Variants in RAMP1 observed in about 807,000 individuals in gnomAD.
RAMP1 encodes the protein receptor activity-modifying protein 1.
A neutral mutation model predicts 8.2 loss-of-function variants in RAMP1; 7 were observed. That is an observed-to-expected ratio of 0.85 (90% CI 0.49 to 1.60). The LOEUF is 1.60. RAMP1 is among the 40% of genes most tolerant of loss of function. The probability of loss-of-function intolerance (pLI) is 0.00; values close to 1 mark genes in which losing one functional copy is unlikely to be tolerated. For synonymous variants in RAMP1, 92 were observed against 84.7 expected, an observed-to-expected ratio of 1.09 and a Z score of -0.47; for missense variants, 192 against 202.4, an observed-to-expected ratio of 0.95 and a Z score of 0.31.
chr2:237,895,159 G>A (rs1040504945), intron 2 of RAMP1, among the ~76,000 whole-genome samples: 5 of 152,148 alleles, frequency 3.3e-5, no homozygotes, highest in African/African-American at 4.8e-5. Context: ...CTATGGTGGC[G>A]ATTGTAGAGC....
Position 237,911,849 on chromosome 2 carries a change from G to A in RAMP1, c.*66G>A. ...GTGAGGCCAGGCAGGCCTGGGTAGG[G>A]GCAGCTTCTGGAGCCTTGGGACAGA... is the stretch of plus-strand genomic sequence containing the variant. On this transcript the variant is annotated 3_prime_UTR_variant, in exon 3 of 3. Transcript: ENST00000254661. 1 of 1,517,578 alleles carries A rather than the reference G, an allele frequency of 6.6e-7. No homozygotes were observed. Among genetic ancestry groups the A allele is most frequent in the Non-Finnish European group, 8.9e-7 (1 of 1,128,944 alleles). The allele number at this position is 1,517,578 out of a possible 1,614,324, so 94.0% of individuals were successfully genotyped here.
chr2:237,906,965 C>T (rs530582199), intron 2 of RAMP1, among the ~76,000 whole-genome samples: 76 of 152,208 alleles, frequency 5.0e-4, no homozygotes, highest in African/African-American at 1.4e-3. Flanking sequence ...TCAAGTGATC[C>T]GCCTGCCTTG....
Position 237,911,663 on chromosome 2 carries a change from G to T in RAMP1, c.327G>T (p.Arg109Ser). ...RYFRSCPISG[R>S]AVRDPPGSIL... ...TCAGGAGCTGCCCCATCTCAGGCAGGGCCGTGCGGGACCCGCCCGGCAGCA... is the reference window on the plus strand; with the variant it reads ...TCAGGAGCTGCCCCATCTCAGGCAGTGCCGTGCGGGACCCGCCCGGCAGCA... Residue 109 changes from arginine (R) to serine (S), a missense_variant, in exon 3 of 3, where the codon AGG becomes AGT. Coordinates refer to ENST00000254661, the MANE Select transcript of RAMP1 (RefSeq NM_005855.4). 1.2e-6 allele frequency: 2 copies of T among 1,613,478 alleles called. No homozygotes were observed. Among genetic ancestry groups the T allele is most frequent in the Non-Finnish European group, 1.7e-6 (2 of 1,179,488 alleles).
intron 2 of RAMP1, among the ~76,000 whole-genome samples, chr2:237,904,345 G>C (rs912241102): frequency 3.9e-5 from 6 of 152,182 alleles, no homozygotes; most frequent in Non-Finnish European, 7.3e-5. Flanking sequence ...CATGAACCCA[G>C]GAAGTGGGGC....
At position 237,878,104 on chromosome 2, in the gene RAMP1, A is replaced by G. The variant is rs1420170436; in HGVS notation, c.191+742A>G. On this transcript the variant is annotated intron_variant, in intron 2 of 2. Transcript: ENST00000254661. This position sits in a 1 kb window ranked among gnomAD's most constrained non-coding sequence, Gnocchi z 5.7. ...AGGCGCTGGGGTGTCCTGGGGCTGC[A>G]GTGGGTGAGTAGCGGGGTCAGCAGT... 1.0e-6 allele frequency: 1 copy of G among 985,284 alleles called. No individual in the cohort carries two copies. Among genetic ancestry groups the G allele is most frequent in the Non-Finnish European group, 1.2e-6 (1 of 829,902 alleles). The allele number at this position is 985,284 out of a possible 1,614,324, so 61.0% of individuals were successfully genotyped here. A position where few individuals can be genotyped will look rare whatever the true frequency, so the allele number is the denominator to read the frequency against.
intron 2 of RAMP1, among the ~76,000 whole-genome samples, chr2:237,909,256 C>A (rs775227459): frequency 2.0e-5 from 3 of 152,182 alleles, no homozygotes; most frequent in Non-Finnish European, 4.4e-5. Flanking sequence ...GGCCCTCTCA[C>A]CTGGCAGCCC....
chr2:237,902,684 C>T (rs1380927571), intron 2 of RAMP1, among the ~76,000 whole-genome samples: 1 of 152,186 alleles, frequency 6.6e-6, no homozygotes, highest in Non-Finnish European at 1.5e-5. Context: ...GCCGCTGTCA[C>T]CAGAGGGTCC....
chr2:237,874,771 G>A (rs553388426), intron 1 of RAMP1: 70 of 899,796 alleles, frequency 7.8e-5, no homozygotes, highest in South Asian at 2.6e-4. Flanking sequence ...GGGTGCCAGC[G>A]TGAGTCAGAA....
In RAMP1 at chr2:237,908,057, G is replaced by A. The variant is rs142268636; in HGVS notation, c.192-3471G>A. ...ATCTTCAATGTACCATAGGCCTCAA[G>A]TACCTCTAGCAATGAGCTGTCATTG... On this transcript the variant is annotated intron_variant, in intron 2 of 2. Transcript: ENST00000254661. Among the ~76,000 whole-genome samples, 560 of 152,328 alleles carry A rather than the reference G, an allele frequency of 3.7e-3. 5 individuals carry two copies. The highest frequency in any genetic ancestry group is 0.013 in the African/African-American group (536 of 41,562).
intron 2 of RAMP1, among the ~76,000 whole-genome samples, chr2:237,885,124 A>G (rs1228919389): frequency 4.6e-5 from 7 of 152,256 alleles, no homozygotes; most frequent in Non-Finnish European, 1.0e-4. Context: ...GTCTCCTGCT[A>G]AAAGAGTCAA....
In RAMP1 at chr2:237,888,682, T is replaced by C. The variant is rs1270098639; in HGVS notation, c.191+11320T>C. Among the ~76,000 whole-genome samples the C allele has an allele frequency of 5.9e-5, 9 of 152,316 alleles. No homozygotes were observed. The East Asian group carries it at 1.3e-3, about 23-fold the overall frequency. ...TTTAAGACTTTATTTTTTAGAGCAG[T>C]TTTAGGTTCACAGCAAAATTGAGAG... On this transcript the variant is annotated intron_variant, in intron 2 of 2. Coordinates refer to ENST00000254661, the MANE Select transcript of RAMP1 (RefSeq NM_005855.4).
intron 1 of RAMP1, among the ~76,000 whole-genome samples, chr2:237,860,161 G>T (rs922550076): frequency 6.6e-6 from 1 of 152,224 alleles, no homozygotes; most frequent in Non-Finnish European, 1.5e-5. Context: ...ACCTGCAGAC[G>T]GGCACCTTGC....
In RAMP1 at chr2:237,865,787, G is replaced by T. The variant is rs910128804; in HGVS notation, c.52+6060G>T. Among the ~76,000 whole-genome samples, 4 of 152,098 alleles carry T rather than the reference G, an allele frequency of 2.6e-5. No homozygotes were observed. The highest frequency in any genetic ancestry group is 9.7e-5 in the African/African-American group (4 of 41,402). ...TCCTTGTGAGAGGCCAGAGAGGACG[G>T]CCAGGGAGGACAGAGAAGGAAACGG... On this transcript the variant is annotated intron_variant, in intron 1 of 2. Transcript: ENST00000254661. This position sits in a 1 kb window ranked among gnomAD's most constrained non-coding sequence, Gnocchi z 4.2.
intron 1 of RAMP1, among the ~76,000 whole-genome samples, chr2:237,860,565 C>T (rs1198458041): frequency 6.6e-6 from 1 of 152,220 alleles, no homozygotes; most frequent in Non-Finnish European, 1.5e-5. Flanking sequence ...CCCTTCTAAA[C>T]CGCTTTGGCT....
intron 2 of RAMP1, among the ~76,000 whole-genome samples, chr2:237,885,825 C>A (rs2062424573): frequency 6.6e-6 from 1 of 152,210 alleles, no homozygotes; most frequent in Non-Finnish European, 1.5e-5. Context: ...GTGGGAGAAT[C>A]TTTCCAGGCA....
intron 2 of RAMP1, among the ~76,000 whole-genome samples, chr2:237,892,676 A>G (rs1489553855): frequency 2.6e-5 from 4 of 151,800 alleles, no homozygotes; most frequent in East Asian, 1.9e-4. Context: ...ACATTGTCCA[A>G]CCACACACTT....
chr2:237,883,841 G>GAA (rs1044563945), intron 2 of RAMP1, among the ~76,000 whole-genome samples: 2 of 86,846 alleles, frequency 2.3e-5, no homozygotes, highest in Admixed American at 1.2e-4. Flanking sequence ...GAAAAGAAAA[G>GAA]AAAAAAAAAA....
At chr2:237,899,268 A>G in intron 2 of RAMP1, among the ~76,000 whole-genome samples, 1 of 152,038 alleles carries the variant, frequency 6.6e-6, no homozygotes, top group South Asian at 2.1e-4. Context: ...ATGGGGTTTC[A>G]CCGTGTTGCC....
At chr2:237,903,127 A>G (rs1327635734) in intron 2 of RAMP1, among the ~76,000 whole-genome samples, 1 of 152,036 alleles carries the variant, frequency 6.6e-6, no homozygotes, top group Non-Finnish European at 1.5e-5. Flanking sequence ...CCAAAGTGCT[A>G]GGATCACAGG....
Sources: allele counts gnomAD v4.1 joint callset (sites outside exome capture counted in the v4.1 genomes callset), GRCh38; gene constraint gnomAD v4.1.1; non-coding constraint Gnocchi (gnomAD v3.1); transcripts MANE v1.5; gene names NCBI Gene and HGNC (gene_info 2026-07-23, HGNC 2026-07-21).